Variants in MACROD2 observed in about 807,000 individuals in gnomAD.
MACROD2 encodes the protein mono-ADP ribosylhydrolase 2.
Under a neutral mutation model 70.4 loss-of-function variants are expected in MACROD2, and 36 were observed. The ratio of observed to expected loss-of-function variants is 0.51; its 90% CI spans 0.39 to 0.68. The LOEUF is 0.68. MACROD2 is among the 30% of genes least tolerant of loss of function. The probability of loss-of-function intolerance (pLI) is 0.00; values close to 1 mark genes in which losing one functional copy is unlikely to be tolerated. For missense variants in MACROD2, 496 were observed against 538.4 expected (o/e 0.92, Z 0.78); for synonymous variants, 172 against 178.8 (o/e 0.96, Z 0.30).
intron 3 of MACROD2, among the ~76,000 whole-genome samples, chr20:14,172,026 G>A (rs1358446696): frequency 6.6e-6 from 1 of 152,096 alleles, no homozygotes; most frequent in Admixed American, 6.6e-5. Flanking sequence ...GCCGTGTTAG[G>A]TGTATATATA....
At chr20:14,376,557 G>A (rs770810955) in intron 3 of MACROD2, among the ~76,000 whole-genome samples, 18 of 151,998 alleles carry the variant, frequency 1.2e-4, no homozygotes, top group Non-Finnish European at 2.1e-4. Flanking sequence ...GACCAACCTG[G>A]GCAATATAGT....
intron 8 of MACROD2, among the ~76,000 whole-genome samples, chr20:15,711,900 A>G (rs2050634675): frequency 6.6e-6 from 1 of 152,186 alleles, no homozygotes; most frequent in South Asian, 2.1e-4. Flanking sequence ...AAATAACATT[A>G]GCATGTTTTT....
At chr20:14,890,427 G>T (rs1202770624) in intron 5 of MACROD2, among the ~76,000 whole-genome samples, 1 of 152,090 alleles carries the variant, frequency 6.6e-6, no homozygotes, top group Non-Finnish European at 1.5e-5. Context: ...ATGCTATCTT[G>T]GTGAAGAAAG....
At chr20:15,387,247 A>C (rs1036412641) in intron 6 of MACROD2, among the ~76,000 whole-genome samples, 1 of 152,124 alleles carries the variant, frequency 6.6e-6, no homozygotes, top group Non-Finnish European at 1.5e-5. Context: ...AGCAGAACCT[A>C]AAGTCACTTG....
At chr20:15,379,558 C>T (rs777920161) in intron 6 of MACROD2, among the ~76,000 whole-genome samples, 1 of 152,034 alleles carries the variant, frequency 6.6e-6, no homozygotes, top group Non-Finnish European at 1.5e-5. Context: ...CTGGATGGCT[C>T]ACGTTTCAAA....
chr20:14,770,092 A>G (rs957602886), intron 5 of MACROD2, among the ~76,000 whole-genome samples: 1 of 151,796 alleles, frequency 6.6e-6, no homozygotes, highest in African/African-American at 2.4e-5. Flanking sequence ...ATTAAAATAT[A>G]TATTATTTAT....
At chr20:14,050,615 C>T (rs147769732) in intron 2 of MACROD2, among the ~76,000 whole-genome samples, 120 of 151,900 alleles carry the variant, frequency 7.9e-4, no homozygotes, top group Non-Finnish European at 1.5e-3. Context: ...AGAAAGTGAA[C>T]GAAGGAAAAA....
In MACROD2 at chr20:15,848,307, G is replaced by A. The variant is rs1011819220; in HGVS notation, c.646-14438G>A. Among the ~76,000 whole-genome samples, 4 of 151,938 alleles carry A rather than the reference G, an allele frequency of 2.6e-5. No individual in the cohort carries two copies. In the East Asian group the frequency reaches 5.8e-4, roughly 22 times the overall value. ...CACCTGTAATGGATTCCCAGCCCCC[G>A]TGCAGGATCTGGTGCAGTGTGCCGA... is the stretch of plus-strand genomic sequence containing the variant. On this transcript the variant is annotated intron_variant, in intron 8 of 17. Transcript: ENST00000684519.
At position 14,088,279 on chromosome 20, in the gene MACROD2, G is replaced by A. The variant is rs6079286; in HGVS notation, c.271+2551G>A. On this transcript the variant is annotated intron_variant, in intron 3 of 17. Transcript: ENST00000684519. ...CGGGAGGCAGAGGTTGCAGTGAGTC[G>A]AGATCGTGCCACTGCACTCCAGCCT... Among the ~76,000 whole-genome samples, 1,327 of 142,928 alleles carry A rather than the reference G, an allele frequency of 9.3e-3. 13 individuals are homozygous for A. The highest frequency in any genetic ancestry group is 0.013 in the Non-Finnish European group (886 of 67,032). The allele number at this position is 142,928 out of a possible 152,430, so 93.8% of individuals were successfully genotyped here. A position where few individuals can be genotyped will look rare whatever the true frequency, so the allele number is the denominator to read the frequency against.
At chr20:14,690,102 A>G (rs1407447483) in intron 5 of MACROD2, among the ~76,000 whole-genome samples, 2 of 152,184 alleles carry the variant, frequency 1.3e-5, no homozygotes, top group African/African-American at 4.8e-5. Context: ...AAAATAAAGA[A>G]ACCATATCAC....
intron 8 of MACROD2, among the ~76,000 whole-genome samples, chr20:15,701,272 C>T (rs1323489250): frequency 1.3e-5 from 2 of 152,200 alleles, no homozygotes; most frequent in African/African-American, 4.8e-5. Context: ...ACACAAAAAT[C>T]TGCATTCTGG....
intron 8 of MACROD2, among the ~76,000 whole-genome samples, chr20:15,754,466 T>C (rs1439324396): frequency 6.6e-6 from 1 of 151,932 alleles, no homozygotes; most frequent in East Asian, 1.9e-4. Flanking sequence ...CTACTAAAAA[T>C]ACAAAAATTA....
chr20:14,309,053 A>G (rs778242551), intron 3 of MACROD2, among the ~76,000 whole-genome samples: 7 of 152,166 alleles, frequency 4.6e-5, no homozygotes, highest in Non-Finnish European at 1.0e-4. Flanking sequence ...CTTCATTAGT[A>G]CCAGTGAAGC....
At chr20:14,620,845 TA>T (rs1385766697) in intron 4 of MACROD2, among the ~76,000 whole-genome samples, 2 of 152,152 alleles carry the variant, frequency 1.3e-5, no homozygotes, top group Non-Finnish European at 2.9e-5. Flanking sequence ...ATGAGTTTAT[TA>T]TATACTTAGA....
intron 7 of MACROD2, among the ~76,000 whole-genome samples, chr20:15,482,186 T>A (rs975042921): frequency 2.0e-5 from 3 of 152,190 alleles, no homozygotes; most frequent in African/African-American, 7.2e-5. Context: ...AAGCCAAGAT[T>A]TCGTTTATTT....
intron 8 of MACROD2, among the ~76,000 whole-genome samples, chr20:15,808,471 T>C (rs2063789123): frequency 6.6e-6 from 1 of 152,222 alleles, no homozygotes; most frequent in South Asian, 2.1e-4. Context: ...TTTTGAATTC[T>C]ACATGCATAC....
intron 8 of MACROD2, among the ~76,000 whole-genome samples, chr20:15,519,826 C>T (rs1268483958): frequency 6.6e-6 from 1 of 152,168 alleles, no homozygotes; most frequent in African/African-American, 2.4e-5. Context: ...GAAAGCCATT[C>T]TTGGAGTCAG....
At chr20:14,125,751 T>C (rs2054640640) in intron 3 of MACROD2, among the ~76,000 whole-genome samples, 1 of 152,170 alleles carries the variant, frequency 6.6e-6, no homozygotes, top group South Asian at 2.1e-4. Context: ...AGCATAACTC[T>C]TTTAAAATAT....
intron 3 of MACROD2, among the ~76,000 whole-genome samples, chr20:14,365,568 G>C (rs921382609): frequency 5.9e-5 from 9 of 151,774 alleles, no homozygotes; most frequent in Non-Finnish European, 1.2e-4. Flanking sequence ...CCAATTTCTT[G>C]TTTCGTTAAC....
Sources: gnomAD v4.1 joint callset for allele counts (sites outside exome capture counted in the v4.1 genomes callset) on GRCh38, gnomAD v4.1.1 for gene constraint, MANE v1.5 for transcripts, NCBI Gene and HGNC (gene_info 2026-07-23, HGNC 2026-07-21) for gene names.